Variants in CNTNAP2 observed in about 807,000 individuals in gnomAD.
CNTNAP2 encodes contactin associated protein 2.
CNTNAP2 carries 98 observed loss-of-function variants against 155.2 expected under a neutral mutation model. That is an observed-to-expected ratio of 0.63 (90% CI 0.54 to 0.75). CNTNAP2 has a LOEUF of 0.75. CNTNAP2 is among the 30% of genes least tolerant of loss of function. The probability of loss-of-function intolerance (pLI) is 0.00; values close to 1 mark genes in which losing one functional copy is unlikely to be tolerated. For missense variants in CNTNAP2, 1,727 were observed against 1,688.1 expected, an observed-to-expected ratio of 1.02 and a Z score of -0.40; for synonymous variants, 651 against 631.2, an observed-to-expected ratio of 1.03 and a Z score of -0.47.
intron 8 of CNTNAP2, among the ~76,000 whole-genome samples, chr7:147,147,731 G>A (rs1445774017): frequency 1.3e-5 from 2 of 152,056 alleles, no homozygotes; most frequent in Non-Finnish European, 2.9e-5. Context: ...CACCTGACAT[G>A]CTACTGCCTT....
intron 15 of CNTNAP2, among the ~76,000 whole-genome samples, chr7:148,069,592 C>G (rs1803340562): frequency 6.6e-6 from 1 of 151,988 alleles, no homozygotes; most frequent in African/African-American, 2.4e-5. Flanking sequence ...GAAACCCCGT[C>G]TCTACTAAAA....
intron 8 of CNTNAP2, among the ~76,000 whole-genome samples, chr7:147,189,775 C>T (rs763214632): frequency 2.6e-5 from 4 of 152,132 alleles, no homozygotes; most frequent in South Asian, 2.1e-4. Context: ...GACGGAGTCT[C>T]ACTCTGTCGC....
intron 13 of CNTNAP2, among the ~76,000 whole-genome samples, chr7:147,788,795 CA>C (rs1241134997): frequency 6.6e-6 from 1 of 151,888 alleles, no homozygotes; most frequent in Middle Eastern, 3.4e-3. Context: ...GTTGCTGATG[CA>C]AAAAATCCCA....
At chr7:147,405,824 C>A (rs1278359292) in intron 10 of CNTNAP2, among the ~76,000 whole-genome samples, 1 of 152,182 alleles carries the variant, frequency 6.6e-6, no homozygotes, top group African/African-American at 2.4e-5. Context: ...TTTTAGTTTT[C>A]GCTGCACTTG....
intron 3 of CNTNAP2, among the ~76,000 whole-genome samples, chr7:146,931,684 C>A (rs1242357017): frequency 1.3e-5 from 2 of 148,898 alleles, no homozygotes; most frequent in African/African-American, 5.0e-5. Context: ...ATTGATAGAC[C>A]GCTAGCAAGA....
At chr7:147,113,307 G>A (rs1393180538) in intron 5 of CNTNAP2, among the ~76,000 whole-genome samples, 1 of 151,866 alleles carries the variant, frequency 6.6e-6, no homozygotes, top group Non-Finnish European at 1.5e-5. Flanking sequence ...ACGATTTCTG[G>A]TTGTGTTTAT....
intron 9 of CNTNAP2, among the ~76,000 whole-genome samples, chr7:147,303,245 C>T (rs1350935303): frequency 6.6e-6 from 1 of 152,232 alleles, no homozygotes; most frequent in African/African-American, 2.4e-5. Context: ...ATTTCTTTAA[C>T]ATTTATGCTA....
At chr7:146,957,180 A>T (rs1797454339) in intron 3 of CNTNAP2, among the ~76,000 whole-genome samples, 1 of 152,204 alleles carries the variant, frequency 6.6e-6, no homozygotes, top group Non-Finnish European at 1.5e-5. Flanking sequence ...CCTAGGCTAT[A>T]AAAATTTTCA....
chr7:147,040,622 G>C (rs1232697111), intron 3 of CNTNAP2, among the ~76,000 whole-genome samples: 1 of 151,612 alleles, frequency 6.6e-6, no homozygotes, highest in Non-Finnish European at 1.5e-5. Context: ...GACCACACCT[G>C]GCTGATTTTT....
intron 10 of CNTNAP2, among the ~76,000 whole-genome samples, chr7:147,436,793 G>A (rs1797554518): frequency 6.6e-6 from 1 of 152,052 alleles, no homozygotes; most frequent in African/African-American, 2.4e-5. Context: ...TTAGAGCAAG[G>A]CTCTTTGAAG....
intron 8 of CNTNAP2, among the ~76,000 whole-genome samples, chr7:147,144,097 G>T (rs761786741): frequency 6.6e-6 from 1 of 152,040 alleles, no homozygotes; most frequent in Admixed American, 6.6e-5. Context: ...AGTTCTACAC[G>T]ATTAAAACAG....
intron 1 of CNTNAP2, among the ~76,000 whole-genome samples, chr7:146,580,534 A>G (rs146671456): frequency 5.7e-4 from 86 of 151,832 alleles, no homozygotes; most frequent in African/African-American, 1.5e-3. Flanking sequence ...AATATATGGA[A>G]GCAAATTAGA....
At chr7:148,154,748 C>A (rs1283146601) in intron 17 of CNTNAP2, among the ~76,000 whole-genome samples, 1 of 152,118 alleles carries the variant, frequency 6.6e-6, no homozygotes, top group East Asian at 1.9e-4. Flanking sequence ...ACCAGTCTGA[C>A]CAACATGGTG....
At chr7:147,937,770 A>G (rs1190109546) in intron 14 of CNTNAP2, among the ~76,000 whole-genome samples, 1 of 152,220 alleles carries the variant, frequency 6.6e-6, no homozygotes, top group East Asian at 1.9e-4. Context: ...CCCCTTTGAG[A>G]TATTAATGAC....
chr7:146,167,258 A>T (rs1405307064), intron 1 of CNTNAP2, among the ~76,000 whole-genome samples: 1 of 152,216 alleles, frequency 6.6e-6, no homozygotes, highest in Admixed American at 6.5e-5. Context: ...TTACAGATAA[A>T]TGACACTCAT....
intron 12 of CNTNAP2, among the ~76,000 whole-genome samples, chr7:147,633,314 G>GT (rs1186503317): frequency 6.6e-6 from 1 of 152,202 alleles, no homozygotes; most frequent in African/African-American, 2.4e-5. Flanking sequence ...TTCAGAGGAT[G>GT]TATGGAAATG....
intron 11 of CNTNAP2, among the ~76,000 whole-genome samples, chr7:147,507,526 ATAGAAG>A (rs1284827325): frequency 7.1e-6 from 1 of 140,438 alleles, no homozygotes; most frequent in African/African-American, 2.6e-5. Flanking sequence ...TCTATATTTT[ATAGAAG>A]TTGCTTTCTC....
chr7:147,700,274 T>C (rs1796216644), intron 13 of CNTNAP2, among the ~76,000 whole-genome samples: 1 of 152,160 alleles, frequency 6.6e-6, no homozygotes. Context: ...TCAGAAAAAT[T>C]ACCCAGGGTT....
intron 21 of CNTNAP2, among the ~76,000 whole-genome samples, chr7:148,365,424 G>C (rs1346232363): frequency 2.0e-5 from 3 of 152,042 alleles, no homozygotes; most frequent in Non-Finnish European, 4.4e-5. Context: ...CAGCACTTTG[G>C]GAGACCAAGG....
Sources: gnomAD v4.1 joint callset for allele counts (sites outside exome capture counted in the v4.1 genomes callset) on GRCh38, gnomAD v4.1.1 for gene constraint, MANE v1.5 for transcripts, NCBI Gene and HGNC (gene_info 2026-07-23, HGNC 2026-07-21) for gene names.